The following DNAH8 variants were observed in gnomAD, a reference collection of about 807,000 sequenced individuals.
DNAH8 encodes the protein axonemal beta dynein heavy chain 8.
DNAH8 carries 382 observed loss-of-function variants against 562.1 expected under a neutral mutation model. The ratio of observed to expected loss-of-function variants is 0.68; its 90% CI spans 0.63 to 0.74. DNAH8 has a LOEUF of 0.74. Among genes scored for constraint, DNAH8 ranks in the 30% least tolerant of loss-of-function variants. The pLI is 0.00. For missense variants in DNAH8, 5,203 were observed against 5,620.4 expected (o/e 0.93, Z 2.37); for synonymous variants, 1,881 against 1,919.4 (o/e 0.98, Z 0.52).
At chr6:38,852,316 A>C (rs556864212) in intron 39 of DNAH8, among the ~76,000 whole-genome samples, 42 of 152,166 alleles carry the variant, frequency 2.8e-4, no homozygotes, top group African/African-American at 9.2e-4. Flanking sequence ...TAACAATGAG[A>C]AAAGAGAATA....
chr6:38,837,680 C>T (rs942596498), intron 32 of DNAH8, among the ~76,000 whole-genome samples: 5 of 151,954 alleles, frequency 3.3e-5, no homozygotes, highest in East Asian at 3.9e-4. Context: ...TATGGGAACT[C>T]GAAATATAGG....
chr6:38,938,735 C>A, intron 78 of DNAH8, 63 bp from the exon 79 acceptor site: 1 of 1,241,664 alleles, frequency 8.1e-7, no homozygotes, highest in South Asian at 1.4e-5. Flanking sequence ...TACCCCTGAA[C>A]TTGAAAGTTT....
intron 85 of DNAH8, among the ~76,000 whole-genome samples, chr6:38,975,769 A>T (rs1763626198): frequency 6.6e-6 from 1 of 152,188 alleles, no homozygotes; most frequent in Admixed American, 6.5e-5. Flanking sequence ...ACCTTATCAC[A>T]TCCTAATACA....
intron 43 of DNAH8, among the ~76,000 whole-genome samples, chr6:38,861,768 A>T (rs1181641447): frequency 6.6e-6 from 1 of 152,072 alleles, no homozygotes; most frequent in African/African-American, 2.4e-5. Flanking sequence ...TCCTGACCTC[A>T]TGATCCGCCC....
At chr6:38,968,976 C>G (rs577531358) in intron 82 of DNAH8, among the ~76,000 whole-genome samples, 91 of 152,264 alleles carry the variant, frequency 6.0e-4, no homozygotes, top group African/African-American at 2.0e-3. Context: ...GTAATACATG[C>G]TACAATATGG....
intron 79 of DNAH8, among the ~76,000 whole-genome samples, 162 bp from the exon 80 acceptor site, chr6:38,945,305 G>A (rs1401934224): frequency 6.6e-6 from 1 of 152,052 alleles, no homozygotes; most frequent in Non-Finnish European, 1.5e-5. Context: ...AGACTTGAAG[G>A]AAATGTACCA....
At chr6:38,757,978 G>A (rs1315656576) in intron 10 of DNAH8, among the ~76,000 whole-genome samples, 1 of 152,068 alleles carries the variant, frequency 6.6e-6, no homozygotes, top group Non-Finnish European at 1.5e-5. Context: ...TTGTTCTTTT[G>A]GCTTAGGATT....
At chr6:38,748,238 C>A (rs1026707531) in intron 8 of DNAH8, among the ~76,000 whole-genome samples, 6 of 152,058 alleles carry the variant, frequency 3.9e-5, no homozygotes, top group East Asian at 3.8e-4. Flanking sequence ...GCCATAGTGA[C>A]CTTCAGACAT....
chr6:38,833,172 CT>C (rs1319567038), intron 31 of DNAH8, among the ~76,000 whole-genome samples: 1 of 151,800 alleles, frequency 6.6e-6, no homozygotes, highest in Non-Finnish European at 1.5e-5. Context: ...CTGAAATATT[CT>C]TTCTTTTAGT....
At chr6:38,736,094 C>T (rs974551762) in intron 5 of DNAH8, among the ~76,000 whole-genome samples, 18 of 151,720 alleles carry the variant, frequency 1.2e-4, no homozygotes, top group Non-Finnish European at 2.2e-4. Flanking sequence ...GCTGAGATCA[C>T]GCCACTGCAC....
At chr6:38,830,729 G>A (rs1773767729) in intron 30 of DNAH8, among the ~76,000 whole-genome samples, 1 of 151,374 alleles carries the variant, frequency 6.6e-6, no homozygotes, top group Non-Finnish European at 1.5e-5. Flanking sequence ...TTGGACATTG[G>A]CTTTAACATT....
rs1361266974 is a variant in DNAH8 at position 38,872,627 on chromosome 6, C to T, written c.7082C>T (p.Ala2361Val). ...ACCGTTATCACGATTCTAATGAAGG[C>T]GCAAACAGAATGCGGAAGGCCTCAT... ...KTTVITILMK[A>V]QTECGRPHRE... is the part of the protein sequence containing the mutation. The change falls in exon 50 of 93, where the codon GCG (alanine) becomes GTG (valine). Residue 2361 changes from alanine (A) to valine (V), a missense_variant. By Grantham distance (64) the Ala-to-Val change is moderately conservative (BLOSUM62 0). Around this residue, in one of 6 missense-constraint regions of DNAH8, gnomAD observed 2,176 missense variants for 2,365.1 expected, o/e 0.92. Transcript: ENST00000327475. The T allele has an allele frequency of 1.2e-6, 2 of 1,614,020 alleles. No homozygotes were observed. The highest frequency in any genetic ancestry group is 8.5e-7 in the Non-Finnish European group (1 of 1,179,974).
At chr6:38,967,477 A>G (rs1763050921) in intron 82 of DNAH8, among the ~76,000 whole-genome samples, 1 of 152,214 alleles carries the variant, frequency 6.6e-6, no homozygotes, top group Non-Finnish European at 1.5e-5. Context: ...TTGTATTTCT[A>G]TGCACTAGCA....
chr6:38,950,192 G>GTT (rs1491076916), intron 81 of DNAH8, among the ~76,000 whole-genome samples: 3 of 74,432 alleles, frequency 4.0e-5, no homozygotes, highest in Non-Finnish European at 8.2e-5. Context: ...GTGTCTGCGT[G>GTT]TGTGTGTGTG....
At chr6:39,027,096 G>A (rs35234259) in intron 92 of DNAH8, among the ~76,000 whole-genome samples, 20,879 of 152,114 alleles carry the variant, frequency 0.14, 1,631 homozygotes, top group Middle Eastern at 0.2. Flanking sequence ...CTAGCCAGTC[G>A]TGATGGCACA....
intron 45 of DNAH8, among the ~76,000 whole-genome samples, chr6:38,865,463 G>A (rs962938448): frequency 3.3e-5 from 5 of 152,182 alleles, no homozygotes; most frequent in African/African-American, 9.7e-5. Context: ...TAAGCTGTGA[G>A]TAACTGAAAC....
At position 38,886,949 on chromosome 6, in the gene DNAH8, A is replaced by T. The variant is rs146625912; in HGVS notation, c.8418A>T (p.Gln2806His). The change falls in exon 57 of 93, where the codon CAA becomes CAT. Residue 2806 changes from glutamine (Q) to histidine (H), a missense_variant. By Grantham distance (24) the Gln-to-His change is conservative (BLOSUM62 0). Coordinates refer to ENST00000327475, the MANE Select transcript of DNAH8 (RefSeq NM_001206927.2). Reference sequence around the variant, plus strand: ...ATATTCCACAACGTTTAAAAAGACAATTTACTGTGTTTAATTGTACATTGC... The same window carrying T: ...ATATTCCACAACGTTTAAAAAGACATTTTACTGTGTTTAATTGTACATTGC... ...RNDIPQRLKRQFTVFNCTLPS... is the reference protein window; with the variant it reads ...RNDIPQRLKRHFTVFNCTLPS... The T allele has an allele frequency of 6.2e-7, 1 of 1,613,998 alleles. No homozygotes were observed.
chr6:38,789,997 G>C, intron 19 of DNAH8, 114 bp downstream of exon 19: 2 of 740,266 alleles, frequency 2.7e-6, no homozygotes, highest in Non-Finnish European at 4.2e-6. Context: ...CATCTTTCTA[G>C]TTCAATTTTA....
Position 38,971,617 on chromosome 6 carries a change from A to G in DNAH8, c.12477A>G (p.Gln4159=). Residue 4159 remains glutamine (Q), a synonymous_variant, in exon 83 of 93, where the codon CAA becomes CAG. Coordinates refer to ENST00000327475, the MANE Select transcript of DNAH8 (RefSeq NM_001206927.2). ...KLECRTISMG[Q]GQEVHARKLI... The stretch of plus-strand genomic sequence containing the variant: ...AATGTAGAACTATCTCAATGGGGCA[A>G]GGACAAGAAGTACATGCTCGAAAGC... 6.2e-7 allele frequency: 1 copy of G among 1,600,888 alleles called. No individual in the cohort carries two copies. The highest frequency in any genetic ancestry group is 8.5e-7 in the Non-Finnish European group (1 of 1,174,160).
Sources: allele counts gnomAD v4.1 joint callset (sites outside exome capture counted in the v4.1 genomes callset), GRCh38; gene constraint gnomAD v4.1.1; regional missense constraint gnomAD v4.1.1; transcripts MANE v1.5; gene names NCBI Gene and HGNC (gene_info 2026-07-23, HGNC 2026-07-21).